The following AP3D1 variants were observed in gnomAD, a reference collection of about 807,000 sequenced individuals.
AP3D1 encodes adaptor related protein complex 3 subunit delta 1, also known as AP-3 complex subunit delta-1.
AP3D1 carries 51 observed loss-of-function variants against 147.6 expected under a neutral mutation model. That is an observed-to-expected ratio of 0.35 (90% CI 0.28 to 0.44). AP3D1 has a LOEUF of 0.44. Among genes scored for constraint, AP3D1 ranks in the 20% least tolerant of loss-of-function variants. AP3D1 has a pLI of 1.00. For missense variants in AP3D1, 1,421 were observed against 1,624.2 expected (o/e 0.87, Z 2.15); for synonymous variants, 760 against 663.0 (o/e 1.15, Z -2.25).
intron 14 of AP3D1, among the ~76,000 whole-genome samples, chr19:2,120,256 C>T (rs1386398927): frequency 2.0e-5 from 3 of 152,206 alleles, no homozygotes; most frequent in Admixed American, 6.5e-5. Context: ...CCCGGTGACC[C>T]GAGCCTGCCC....
chr19:2,114,439 G>C, intron 21 of AP3D1, 137 bp from the exon 22 acceptor site: 1 of 751,958 alleles, frequency 1.3e-6, no homozygotes, highest in Non-Finnish European at 2.2e-6. Flanking sequence ...GCCCAACATA[G>C]ATCTACTCAA....
rs570292498 is a variant in AP3D1 at position 2,108,606 on chromosome 19, G to A, written c.3552+81C>T. The A allele has an allele frequency of 6.2e-5, 82 of 1,325,892 alleles. No individual in the cohort carries two copies. In the South Asian group the frequency reaches 7.5e-4, roughly 12 times the overall value. 82.1% of individuals were successfully genotyped at this position (1,325,892 alleles called of 1,614,324 possible). ...CCTCGAGCCCTCTAAGTCCCAAAGC[G>A]CGCCTCTGGGGATGAAGGCCTGGGC... On this transcript the variant is annotated intron_variant, in intron 31 of 31. Coordinates refer to ENST00000643116, the MANE Select transcript of AP3D1 (RefSeq NM_001261826.3).
intron 31 of AP3D1, among the ~76,000 whole-genome samples, chr19:2,103,844 CAAGGCACCAACACCAAGACACCAGTGCT>C (rs2018028114): frequency 6.6e-6 from 1 of 152,186 alleles, no homozygotes; most frequent in African/African-American, 2.4e-5. Context: ...ACCCCAGTGC[CAAGGCACCAACACCAAGACACCAGTGCT>C]AAGGCACTAA....
At chr19:2,163,680 C>T (rs887928031) in intron 1 of AP3D1, among the ~76,000 whole-genome samples, 2 of 152,086 alleles carry the variant, frequency 1.3e-5, no homozygotes, top group Non-Finnish European at 2.9e-5. Context: ...ATCCGACGGG[C>T]CCGCCCACAG....
chr19:2,114,524 C>T (rs878873182), intron 21 of AP3D1, among the ~76,000 whole-genome samples: 4 of 152,156 alleles, frequency 2.6e-5, no homozygotes, highest in African/African-American at 7.2e-5. Context: ...GGAGACCTCC[C>T]GAGCACCCCA....
chr19:2,123,190 G>C (rs968561034), intron 11 of AP3D1, among the ~76,000 whole-genome samples, 168 bp downstream of exon 11: 2 of 152,156 alleles, frequency 1.3e-5, no homozygotes, highest in Admixed American at 6.5e-5. Context: ...GGGTGCAAGG[G>C]CGCCACAGGG....
intron 14 of AP3D1, among the ~76,000 whole-genome samples, chr19:2,119,774 G>T (rs1459462437): frequency 6.9e-6 from 1 of 145,280 alleles, no homozygotes; most frequent in Non-Finnish European, 1.5e-5. Flanking sequence ...TCTCTAATAA[G>T]AATACAAAAA....
chr19:2,108,983 G>T (rs936379735), intron 30 of AP3D1, 103 bp downstream of exon 30: 3 of 1,543,470 alleles, frequency 1.9e-6, no homozygotes, highest in Non-Finnish European at 2.6e-6. Flanking sequence ...CCCAAAGGGT[G>T]TGAGTTTGGG....
chr19:2,113,890 C>T (rs1271371149), intron 22 of AP3D1, among the ~76,000 whole-genome samples: 1 of 152,214 alleles, frequency 6.6e-6, no homozygotes, highest in African/African-American at 2.4e-5. Flanking sequence ...CAGGTGAGGA[C>T]ACGGCTCACC....
At chr19:2,108,828 G>A (rs761866778) in intron 30 of AP3D1, 62 bp from the exon 31 acceptor site, 1 of 1,517,844 alleles carries the variant, frequency 6.6e-7, no homozygotes, top group Non-Finnish European at 8.9e-7. Flanking sequence ...CCCACCCCCA[G>A]AGCAGGGGCC....
intron 21 of AP3D1, 73 bp downstream of exon 21, chr19:2,114,675 G>A (rs564265671): frequency 2.3e-5 from 13 of 555,948 alleles, no homozygotes; most frequent in South Asian, 1.3e-4. Context: ...GGCCCCACCC[G>A]GAAGGGAGGA....
chr19:2,155,852 A>T (rs1192073302), upstream of AP3D1, among the ~76,000 whole-genome samples: 1 of 152,028 alleles, frequency 6.6e-6, no homozygotes, highest in Non-Finnish European at 1.5e-5. Flanking sequence ...GGAGATTGAG[A>T]CCATCCTGGC....
chr19:2,137,693 C>T (rs1245262844), intron 3 of AP3D1, 34 bp downstream of exon 3: 19 of 1,591,204 alleles, frequency 1.2e-5, no homozygotes, highest in Non-Finnish European at 1.6e-5. Context: ...TAATCACTCC[C>T]CACCCCACCA....
intron 29 of AP3D1, 70 bp from the exon 30 acceptor site, chr19:2,109,277 C>T (rs556882169): frequency 6.7e-7 from 1 of 1,501,866 alleles, no homozygotes; most frequent in Non-Finnish European, 8.9e-7. Context: ...CAGAGGCCAA[C>T]AAAACCTGCC....
chr19:2,107,332 A>T (rs1599437466), intron 31 of AP3D1, among the ~76,000 whole-genome samples: 1 of 152,124 alleles, frequency 6.6e-6, no homozygotes, highest in South Asian at 2.1e-4. Flanking sequence ...AGTAGTGAAC[A>T]TGAGCCAGAA....
chr19:2,115,418 C>A lies in AP3D1; in HGVS notation c.2150G>T (p.Gly717Val). The A allele has an allele frequency of 6.2e-7, 1 of 1,607,390 alleles. No homozygotes were observed. Among genetic ancestry groups the A allele is most frequent in the South Asian group, 1.1e-5 (1 of 91,084 alleles). Residue 717 changes from glycine to valine, a missense_variant and splice_region_variant, in exon 20 of 32, where the codon GGG becomes GTG. Coordinates refer to ENST00000643116, the MANE Select transcript of AP3D1 (RefSeq NM_001261826.3). ...CACATACTGATCTGACATAGGCAGC[C>A]CTGCGGGCCGGCAGCGGGCAGCCAC... ...IDLSVPLKVP[G>V]LPMSDQYVKL...
intron 21 of AP3D1, 107 bp downstream of exon 21, chr19:2,114,641 C>CCCCCAA: frequency 1.4e-6 from 1 of 733,450 alleles, no homozygotes; most frequent in Non-Finnish European, 2.3e-6. Flanking sequence ...CACCCCACCC[C>CCCCCAA]AGCCTGCCCA....
At chr19:2,140,185 C>T (rs568336093) in intron 1 of AP3D1, among the ~76,000 whole-genome samples, 83 of 152,226 alleles carry the variant, frequency 5.5e-4, no homozygotes, top group African/African-American at 1.9e-3. Flanking sequence ...AAAAGACCAT[C>T]CCAGGCGTGG....
At chr19:2,141,958 A>G (rs998404743) in intron 1 of AP3D1, among the ~76,000 whole-genome samples, 2 of 149,596 alleles carry the variant, frequency 1.3e-5, no homozygotes, top group Non-Finnish European at 3.0e-5. Flanking sequence ...ATTTTTGCAT[A>G]TATTTATGTA....
Sources: gnomAD v4.1 joint callset for allele counts (sites outside exome capture counted in the v4.1 genomes callset) on GRCh38, gnomAD v4.1.1 for gene constraint, MANE v1.5 for transcripts, NCBI Gene and HGNC (gene_info 2026-07-23, HGNC 2026-07-21) for gene names.